FARS2: variants seen among roughly 807,000 people sequenced by gnomAD.
FARS2 encodes phenylalanyl-tRNA synthetase 2, mitochondrial.
FARS2 carries 40 observed loss-of-function variants against 46.4 expected under a neutral mutation model. That is an observed-to-expected ratio of 0.86 (90% CI 0.67 to 1.12). The LOEUF (loss-of-function observed/expected upper bound fraction) is 1.12, where lower values mean the gene tolerates loss of function less well. FARS2 is among the 50% of genes most tolerant of loss of function. FARS2 has a pLI of 0.00. For synonymous variants in FARS2, 234 were observed against 214.9 expected (o/e 1.09, Z -0.78); for missense variants, 513 against 567.9 (o/e 0.90, Z 0.98).
At chr6:5,689,523 T>G (rs1757524132) in intron 6 of FARS2, among the ~76,000 whole-genome samples, 1 of 152,248 alleles carries the variant, frequency 6.6e-6, no homozygotes, top group Admixed American at 6.5e-5. Flanking sequence ...GTGAGTTTCT[T>G]AATCCTGAGT....
intron 3 of FARS2, among the ~76,000 whole-genome samples, chr6:5,413,406 C>G (rs1315439883): frequency 6.6e-6 from 1 of 152,136 alleles, no homozygotes; most frequent in Non-Finnish European, 1.5e-5. Context: ...GTGCCTGGAA[C>G]TACACCCATT....
intron 5 of FARS2, among the ~76,000 whole-genome samples, chr6:5,558,254 G>A (rs796559362): frequency 2.6e-5 from 4 of 152,076 alleles, no homozygotes; most frequent in African/African-American, 7.3e-5. Context: ...AGGGTAAGAG[G>A]AGCACATGGG....
In FARS2 at chr6:5,737,391, C is replaced by T. The variant is rs2326637; in HGVS notation, c.1218-33900C>T. ...ACTAAAAATACAAAAATTAACTGTA[C>T]GTGGTGGCATGTGCCTGTAGTCCCA... On this transcript the variant is annotated intron_variant, in intron 6 of 6. Transcript: ENST00000274680. Among the ~76,000 whole-genome samples the T allele has an allele frequency of 8.9e-3, 1,355 of 152,256 alleles. 20 individuals are homozygous for T. The highest frequency in any genetic ancestry group is 0.03 in the African/African-American group (1,253 of 41,546).
chr6:5,644,360 G>C (rs573954777), intron 6 of FARS2, among the ~76,000 whole-genome samples: 1 of 151,992 alleles, frequency 6.6e-6, no homozygotes, highest in African/African-American at 2.4e-5. Context: ...CTACAGGTGC[G>C]CACCACCACG....
chr6:5,456,023 C>A (rs758684850), intron 4 of FARS2, among the ~76,000 whole-genome samples: 3 of 152,040 alleles, frequency 2.0e-5, no homozygotes, highest in Non-Finnish European at 4.4e-5. Flanking sequence ...ACAAGACCAG[C>A]CAGGGAAACG....
chr6:5,663,356 A>G (rs1020319290), intron 6 of FARS2, among the ~76,000 whole-genome samples: 2 of 152,170 alleles, frequency 1.3e-5, no homozygotes, highest in Non-Finnish European at 1.5e-5. Flanking sequence ...TTGAACTTTC[A>G]AAAAAATTCT....
intron 6 of FARS2, among the ~76,000 whole-genome samples, chr6:5,620,196 G>A (rs534255628): frequency 2.6e-5 from 4 of 151,808 alleles, no homozygotes; most frequent in South Asian, 2.1e-4. Context: ...CCTTCCTACC[G>A]TGCACGCGCA....
Position 5,604,507 on chromosome 6 carries a change from C to T in FARS2, c.1066-8662C>T, listed in dbSNP as rs531454425. On this transcript the variant is annotated intron_variant, in intron 5 of 6. Transcript: ENST00000274680. The stretch of plus-strand genomic sequence containing the variant: ...ATGGGCAGGGGAGGAGGTGGGCTGC[C>T]GTGCACTCACTACCAGGCCCTCGGC... Among the ~76,000 whole-genome samples the T allele has an allele frequency of 9.9e-5, 15 of 152,224 alleles. No individual in the cohort carries two copies. In the South Asian group the frequency reaches 1.7e-3, roughly 17 times the overall value.
intron 5 of FARS2, among the ~76,000 whole-genome samples, chr6:5,558,624 C>T (rs913644650): frequency 6.6e-6 from 1 of 152,032 alleles, no homozygotes; most frequent in Non-Finnish European, 1.5e-5. Flanking sequence ...GCAAACTCTG[C>T]CTCGCGGGTT....
At chr6:5,313,155 G>A (rs1044106803) in intron 1 of FARS2, among the ~76,000 whole-genome samples, 7 of 152,200 alleles carry the variant, frequency 4.6e-5, no homozygotes, top group African/African-American at 1.7e-4. Context: ...TTCATTGAAA[G>A]ATTAACAGAT....
At chr6:5,317,426 A>C (rs908814014) in intron 1 of FARS2, among the ~76,000 whole-genome samples, 2 of 152,186 alleles carry the variant, frequency 1.3e-5, no homozygotes, top group African/African-American at 2.4e-5. Flanking sequence ...AAAAAGGGGA[A>C]GCACACAAGT....
rs55998904 is a variant in FARS2, at chr6:5,353,726, G to GTTTTTTTT, written c.-21-14809_-21-14802dup. ...CTGTTTTTAAATTGTAATATTTGGT[G>GTTTTTTTT]TTTTTTTTTTTTTTTTTTTTTTGCT... is the stretch of plus-strand genomic sequence containing the variant. On this transcript the variant is annotated intron_variant, in intron 1 of 6. Coordinates refer to ENST00000274680, the MANE Select transcript of FARS2 (RefSeq NM_006567.5). Among the ~76,000 whole-genome samples the GTTTTTTTT allele has an allele frequency of 9.7e-3, 392 of 40,224 alleles. 3 individuals are homozygous for GTTTTTTTT. Among genetic ancestry groups the GTTTTTTTT allele is most frequent in the East Asian group, 0.017 (13 of 780 alleles). 26.4% of individuals were successfully genotyped at this position (40,224 alleles called of 152,430 possible). A position where few individuals can be genotyped will look rare whatever the true frequency, so the allele number is the denominator to read the frequency against.
At chr6:5,403,295 A>G (rs1211155070) in intron 2 of FARS2, among the ~76,000 whole-genome samples, 1 of 152,024 alleles carries the variant, frequency 6.6e-6, no homozygotes, top group African/African-American at 2.4e-5. Context: ...CCTGACTGCA[A>G]GTCTACACAA....
At chr6:5,762,882 G>T (rs1357030330) in intron 6 of FARS2, among the ~76,000 whole-genome samples, 2 of 152,200 alleles carry the variant, frequency 1.3e-5, no homozygotes, top group Non-Finnish European at 2.9e-5. Context: ...GTGTTCACTG[G>T]CTGGGAGCTG....
the FARS2 span, among the ~76,000 whole-genome samples, chr6:5,250,277 G>A: frequency 6.6e-6 from 1 of 152,044 alleles, no homozygotes; most frequent in Non-Finnish European, 1.5e-5. Flanking sequence ...TAGAATAAGT[G>A]CAATTTAGAA....
At chr6:5,360,170 A>G (rs1199908929) in intron 1 of FARS2, among the ~76,000 whole-genome samples, 2 of 152,248 alleles carry the variant, frequency 1.3e-5, no homozygotes, top group Non-Finnish European at 2.9e-5. Context: ...CAAATTAACG[A>G]TTTCAAAATG....
chr6:5,288,379 A>C (rs972148001), intron 1 of FARS2, among the ~76,000 whole-genome samples: 16 of 152,214 alleles, frequency 1.1e-4, no homozygotes, highest in Non-Finnish European at 1.6e-4. Flanking sequence ...TCTCCCAAAC[A>C]CCAATCCCTC....
At chr6:5,634,021 CA>C (rs1776423562) in intron 6 of FARS2, among the ~76,000 whole-genome samples, 1 of 152,134 alleles carries the variant, frequency 6.6e-6, no homozygotes, top group Non-Finnish European at 1.5e-5. Flanking sequence ...TCATATCCAA[CA>C]TTTTTTTCAT....
intron 6 of FARS2, among the ~76,000 whole-genome samples, chr6:5,717,351 A>ATGTGTGTGTGTGTGTGTGTG (rs58875741): frequency 8.5e-5 from 12 of 141,636 alleles, no homozygotes; most frequent in African/African-American, 2.4e-4. Flanking sequence ...AGATATGTAT[A>ATGTGTGTGTGTGTGTGTGTG]TGTGTGTGTG....
Sources: allele counts gnomAD v4.1 joint callset (sites outside exome capture counted in the v4.1 genomes callset), GRCh38; gene constraint gnomAD v4.1.1; transcripts MANE v1.5; gene names NCBI Gene and HGNC (gene_info 2026-07-23, HGNC 2026-07-21).